Variants in DNAH14 observed in about 807,000 individuals in gnomAD.
The protein encoded by DNAH14 is dynein axonemal heavy chain 14, also known as axonemal beta dynein heavy chain 14.
A neutral mutation model predicts 520.9 loss-of-function variants in DNAH14; 478 were observed. The observed-to-expected ratio is 0.92, with a 90% CI of 0.85 to 0.99. The LOEUF (loss-of-function observed/expected upper bound fraction) is 0.99. DNAH14 is among the 50% of genes least tolerant of loss of function. DNAH14 has a pLI of 0.00. For synonymous variants in DNAH14, 1,581 were observed against 1,757.2 expected (o/e 0.90, Z 2.51); for missense variants, 4,831 against 5,234.5 (o/e 0.92, Z 2.38).
rs1377549209 is a variant in DNAH14, at chr1:225,232,648, C to T, written c.6518+1497C>T. 3.3e-5 allele frequency among the ~76,000 whole-genome samples: 5 copies of T among 152,164 alleles called. No individual in the cohort carries two copies. The highest frequency in any genetic ancestry group is 4.4e-5 in the Non-Finnish European group (3 of 68,040). On this transcript the variant is annotated intron_variant, in intron 42 of 85. Transcript: ENST00000682510. This position sits in a 1 kb window ranked among gnomAD's most constrained non-coding sequence, Gnocchi z 4.2. ...CCTTTGACCTTATGGTCTTGGCACA[C>T]GTATTCCTTCTGCCCAAGATGTTCT...
intron 35 of DNAH14, among the ~76,000 whole-genome samples, chr1:225,164,050 G>T (rs906973175): frequency 7.2e-5 from 11 of 151,922 alleles, no homozygotes; most frequent in African/African-American, 2.7e-4. Flanking sequence ...GTATATATAG[G>T]CTATTAATTG....
At chr1:224,960,363 G>A in intron 4 of DNAH14, 61 bp downstream of exon 4, 1 of 1,418,676 alleles carries the variant, frequency 7.0e-7, no homozygotes, top group Non-Finnish European at 9.3e-7. Context: ...ATTATTCTGT[G>A]GTTTGTGTGC....
rs1426372034 is a variant in DNAH14, at chr1:225,287,726, C to T, written c.8272-2159C>T. ...CATTCTCCAATAAAAGGAACCAGGA[C>T]TCCTTGGGAAAATTGCTGATTATAG... On this transcript the variant is annotated intron_variant, in intron 54 of 85. Transcript: ENST00000682510. Among the ~76,000 whole-genome samples the T allele has an allele frequency of 7.0e-4, 107 of 152,130 alleles. 1 individual carries two copies. Among genetic ancestry groups the T allele is most frequent in the African/African-American group, 2.5e-3 (104 of 41,506 alleles).
Position 225,322,671 on chromosome 1 carries a change from A to C in DNAH14, c.9343A>C (p.Thr3115Pro). 2.6e-6 allele frequency: 4 copies of C among 1,539,002 alleles called. No homozygotes were observed. The highest frequency in any genetic ancestry group is 3.5e-6 in the Non-Finnish European group (4 of 1,137,098). ...KADVAELRVYTRPPFLVLTVM... is the reference protein window; with the variant it reads ...KADVAELRVYPRPPFLVLTVM... ...TTTCATCATCTATTACAGAGTATAC[A>C]CACGGCCTCCCTTCCTTGTACTGAC... Residue 3115 changes from threonine to proline, a missense_variant, in exon 62 of 86, where the codon ACA becomes CCA. Coordinates refer to ENST00000682510, the MANE Select transcript of DNAH14 (RefSeq NM_001367479.1).
At chr1:224,944,872 T>G (rs888273650) in intron 1 of DNAH14, among the ~76,000 whole-genome samples, 1 of 152,252 alleles carries the variant, frequency 6.6e-6, no homozygotes, top group Non-Finnish European at 1.5e-5. Flanking sequence ...GCTGTTAGTG[T>G]GATGGGCTTC....
At chr1:225,075,521 T>C (rs1199190617) in intron 17 of DNAH14, among the ~76,000 whole-genome samples, 2 of 152,202 alleles carry the variant, frequency 1.3e-5, no homozygotes, top group East Asian at 3.9e-4. Context: ...CTATATGTTG[T>C]TGAGTTGTTC....
intron 64 of DNAH14, among the ~76,000 whole-genome samples, chr1:225,329,793 G>A (rs1203674212): frequency 4.6e-5 from 7 of 151,902 alleles, no homozygotes; most frequent in African/African-American, 7.3e-5. Flanking sequence ...AAGCAAACAC[G>A]GGCTAATGGG....
At chr1:225,009,415 A>T (rs2064492224) in intron 10 of DNAH14, among the ~76,000 whole-genome samples, 1 of 152,132 alleles carries the variant, frequency 6.6e-6, no homozygotes, top group Non-Finnish European at 1.5e-5. Flanking sequence ...AGATGGTTGT[A>T]GATGTGTGAT....
chr1:225,229,237 G>A lies in DNAH14; in HGVS notation c.6440-1836G>A, dbSNP rs887316958. The stretch of plus-strand genomic sequence containing the variant: ...CCGTGTCCACATACTTCTTTCATCC[G>A]TCGCTCAACCAGAGTCTTTGGGACA... On this transcript the variant is annotated intron_variant, in intron 41 of 85. Coordinates refer to ENST00000682510, the MANE Select transcript of DNAH14 (RefSeq NM_001367479.1). Among the ~76,000 whole-genome samples the A allele has an allele frequency of 7.9e-5, 12 of 152,120 alleles. No individual in the cohort carries two copies. In the South Asian group the frequency reaches 2.1e-3, roughly 26 times the overall value.
At chr1:224,952,520 A>C (rs2125497466) in intron 1 of DNAH14, 150 bp from the exon 2 acceptor site, 1 of 362,714 alleles carries the variant, frequency 2.8e-6, no homozygotes, top group East Asian at 4.7e-5. Flanking sequence ...GGGTTTGGAA[A>C]TTATACTGTA....
intron 54 of DNAH14, among the ~76,000 whole-genome samples, chr1:225,279,214 G>A (rs2093569118): frequency 6.6e-6 from 1 of 151,918 alleles, no homozygotes; most frequent in African/African-American, 2.4e-5. Context: ...ACCATGTTGG[G>A]CAGGCTGGTC....
intron 3 of DNAH14, 148 bp downstream of exon 3, chr1:224,955,246 A>G (rs958970078): frequency 3.6e-5 from 29 of 816,706 alleles, no homozygotes; most frequent in Non-Finnish European, 5.4e-5. Context: ...TAGTTATAGC[A>G]GTTAGCAGTG....
At chr1:225,078,410 G>A (rs2072557720) in intron 17 of DNAH14, among the ~76,000 whole-genome samples, 2 of 152,128 alleles carry the variant, frequency 1.3e-5, no homozygotes, top group Admixed American at 1.3e-4. Flanking sequence ...GTCATAATTT[G>A]CCATTTGTAT....
rs560498899 is a variant in DNAH14, at chr1:225,216,267, TG to T, written c.6439+9048del. 5.0e-3 allele frequency among the ~76,000 whole-genome samples: 761 copies of T among 152,346 alleles called. 7 individuals are homozygous for T. The highest frequency in any genetic ancestry group is 0.017 in the African/African-American group (718 of 41,576). On this transcript the variant is annotated intron_variant, in intron 41 of 85. Coordinates refer to ENST00000682510, the MANE Select transcript of DNAH14 (RefSeq NM_001367479.1). ...GTAGAGTTTCTGCCAAGAGATCCAC[TG>T]TTAGTCTGATGGGCTTCCCTTTGTG...
intron 17 of DNAH14, among the ~76,000 whole-genome samples, chr1:225,072,636 G>C (rs1477030630): frequency 6.6e-6 from 1 of 152,188 alleles, no homozygotes; most frequent in Non-Finnish European, 1.5e-5. Context: ...TAGCATTCTA[G>C]AACCATCATT....
rs530986389 is a variant in DNAH14 at position 225,322,748 on chromosome 1, G to A, written c.9420G>A (p.Thr3140=). ...TGCAAAAGAAACCTAACTGGGCAACGGCAAAGTTACTTCTTTCAGAAACTG... is the reference window on the plus strand; with the variant it reads ...TGCAAAAGAAACCTAACTGGGCAACAGCAAAGTTACTTCTTTCAGAAACTG... ...ILLQKKPNWA[T]AKLLLSETGF... is the part of the protein sequence containing the mutation. The change falls in exon 62 of 86, where the codon ACG becomes ACA. Residue 3140 remains threonine, a synonymous_variant. Coordinates refer to ENST00000682510, the MANE Select transcript of DNAH14 (RefSeq NM_001367479.1). 24 of 1,551,568 alleles carry A rather than the reference G, an allele frequency of 1.5e-5. No homozygotes were observed. The highest frequency in any genetic ancestry group is 2.7e-5 in the African/African-American group (2 of 73,128).
At chr1:225,179,494 T>C (rs2083721067) in intron 36 of DNAH14, among the ~76,000 whole-genome samples, 1 of 152,194 alleles carries the variant, frequency 6.6e-6, no homozygotes, top group Non-Finnish European at 1.5e-5. Flanking sequence ...ACTAAAAAAC[T>C]CCACATTATA....
intron 17 of DNAH14, among the ~76,000 whole-genome samples, chr1:225,056,889 T>C (rs1260058117): frequency 6.6e-6 from 1 of 152,212 alleles, no homozygotes; most frequent in Non-Finnish European, 1.5e-5. Flanking sequence ...CGTTGGTCTA[T>C]ATCTCTGTTT....
At chr1:224,930,735 C>A (rs1201758060) in intron 1 of DNAH14, among the ~76,000 whole-genome samples, 1 of 152,108 alleles carries the variant, frequency 6.6e-6, no homozygotes, top group African/African-American at 2.4e-5. Context: ...GTAGCTGGGA[C>A]TACAGGCGTC....
Sources: allele counts gnomAD v4.1 joint callset (sites outside exome capture counted in the v4.1 genomes callset), GRCh38; gene constraint gnomAD v4.1.1; non-coding constraint Gnocchi (gnomAD v3.1); transcripts MANE v1.5; gene names NCBI Gene and HGNC (gene_info 2026-07-23, HGNC 2026-07-21).